The following DUOXA2 variants were observed in gnomAD, a reference collection of about 807,000 sequenced individuals.
The protein encoded by DUOXA2 is dual oxidase maturation factor 2.
DUOXA2 carries 22 observed loss-of-function variants against 27.6 expected under a neutral mutation model. That is an observed-to-expected ratio of 0.80 (90% CI 0.57 to 1.14). DUOXA2 has a LOEUF of 1.14. Ranked by LOEUF, DUOXA2 falls within the 50% of genes most tolerant of loss-of-function variation. The pLI, the probability that DUOXA2 is intolerant of heterozygous loss-of-function variation, is 0.00. For synonymous variants in DUOXA2, 188 were observed against 184.4 expected, an observed-to-expected ratio of 1.02 and a Z score of -0.16; for missense variants, 481 against 419.9, an observed-to-expected ratio of 1.15 and a Z score of -1.27.
At position 45,114,716 on chromosome 15, in the gene DUOXA2, C is replaced by T; in HGVS notation, c.111C>T (p.Ser37=). The T allele has an allele frequency of 6.2e-7, 1 of 1,614,238 alleles. No individual in the cohort carries two copies. The highest frequency in any genetic ancestry group is 8.5e-7 in the Non-Finnish European group (1 of 1,180,040). The part of the protein sequence containing the change: ...VILVFLALAA[S]FLLILPGIRG... ...TAGTGTTTTTGGCTCTAGCAGCAAGCTTCCTGCTCATCTTGCCGGGGATCC... is the reference window on the plus strand; with the variant it reads ...TAGTGTTTTTGGCTCTAGCAGCAAGTTTCCTGCTCATCTTGCCGGGGATCC... Residue 37 remains serine, a synonymous_variant, in exon 1 of 6, where the codon AGC becomes AGT. Transcript: ENST00000323030.
At chr15:45,115,367 A>G (rs1391913616) in intron 1 of DUOXA2, 1 of 460,450 alleles carries the variant, frequency 2.2e-6, no homozygotes, top group Non-Finnish European at 4.4e-6. Context: ...TGCACCTAGG[A>G]GTATCTGCAT....
intron 3 of DUOXA2, 127 bp downstream of exon 3, chr15:45,116,385 G>A: frequency 6.4e-7 from 1 of 1,562,822 alleles, no homozygotes; most frequent in Non-Finnish European, 8.7e-7. Context: ...TCGTGGATTT[G>A]CGTTTTCTCC....
chr15:45,114,624 G>C lies in DUOXA2; in HGVS notation c.19G>C (p.Val7Leu). The C allele has an allele frequency of 6.2e-7, 1 of 1,614,148 alleles. No individual in the cohort carries two copies. The highest frequency in any genetic ancestry group is 1.3e-5 in the African/African-American group (1 of 75,058). Residue 7 changes from valine to leucine, a missense_variant, in exon 1 of 6, where the codon GTA (valine) becomes CTA (leucine). Val to Leu is a conservative substitution (Grantham distance 32). Coordinates refer to ENST00000323030, the MANE Select transcript of DUOXA2 (RefSeq NM_207581.4). ...GTGCAGCATGACCCTGTGGAACGGC[G>C]TACTGCCTTTTTACCCCCAGCCCCG... The part of the protein sequence containing the change: MTLWNG[V>L]LPFYPQPRHA...
rs1259580781 is a variant in DUOXA2 at position 45,114,600 on chromosome 15, T to C, written c.-6T>C. 6.2e-7 allele frequency: 1 copy of C among 1,613,780 alleles called. No individual in the cohort carries two copies. Reference sequence around the variant, plus strand: ...GCCTGCGTGCAGCACTCGGCCGGCGTGCAGCATGACCCTGTGGAACGGCGT... The same window carrying C: ...GCCTGCGTGCAGCACTCGGCCGGCGCGCAGCATGACCCTGTGGAACGGCGT... On this transcript the variant is annotated 5_prime_UTR_variant, in exon 1 of 6. Coordinates refer to ENST00000323030, the MANE Select transcript of DUOXA2 (RefSeq NM_207581.4).
intron 3 of DUOXA2, 118 bp downstream of exon 3, chr15:45,116,376 C>CGTGGATTTG: frequency 6.4e-7 from 1 of 1,563,960 alleles, no homozygotes; most frequent in South Asian, 1.1e-5. Flanking sequence ...TTGTGGTCCT[C>CGTGGATTTG]GTGGATTTGC....
At chr15:45,116,811 A>T in intron 4 of DUOXA2, 82 bp downstream of exon 4, 1 of 1,523,456 alleles carries the variant, frequency 6.6e-7, no homozygotes, top group Admixed American at 1.9e-5. Flanking sequence ...CAGGCCTCGG[A>T]GGCGCTGAGC....
intron 4 of DUOXA2, 121 bp downstream of exon 4, chr15:45,116,850 G>A: frequency 7.8e-7 from 1 of 1,281,812 alleles, no homozygotes; most frequent in Non-Finnish European, 1.1e-6. Flanking sequence ...CGCGCTCGGG[G>A]TGGGCATGAC....
Position 45,115,820 on chromosome 15 carries a change from GTTC to G in DUOXA2, c.174_176del (p.Leu59del), listed in dbSNP as rs1894602667. 3 of 1,614,000 alleles carry G rather than the reference GTTC, an allele frequency of 1.9e-6. No individual in the cohort carries two copies. Among genetic ancestry groups the G allele is most frequent in the Admixed American group, 1.7e-5 (1 of 60,000 alleles). On this transcript the variant is annotated inframe_deletion, in exon 2 of 6. Coordinates refer to ENST00000323030, the MANE Select transcript of DUOXA2 (RefSeq NM_207581.4). ...GCAGCGCTGGTTTTGGTTGGTGAGA[GTTC>G]TTCTCAGTCTGTTCATAGGCGCAGA...
chr15:45,115,553 A>T, intron 1 of DUOXA2: 1 of 668,274 alleles, frequency 1.5e-6, no homozygotes, highest in Non-Finnish European at 2.8e-6. Flanking sequence ...GAAGAGTGCC[A>T]GGAAGTGGGG....
intron 5 of DUOXA2, 115 bp downstream of exon 5, chr15:45,117,420 C>A: frequency 6.6e-7 from 1 of 1,519,710 alleles, no homozygotes. Context: ...TTGCCCCTCT[C>A]AATAGTTCGC....
rs762454763 is a variant in DUOXA2, at chr15:45,114,615, T to C, written c.10T>C (p.Trp4Arg). 9.9e-6 allele frequency: 16 copies of C among 1,613,988 alleles called. No homozygotes were observed. Among genetic ancestry groups the C allele is most frequent in the Admixed American group, 3.3e-5 (2 of 60,006 alleles). The change falls in exon 1 of 6, where the codon TGG becomes CGG. Residue 4 changes from tryptophan (W) to arginine (R), a missense_variant. Coordinates refer to ENST00000323030, the MANE Select transcript of DUOXA2 (RefSeq NM_207581.4). ...TCGGCCGGCGTGCAGCATGACCCTG[T>C]GGAACGGCGTACTGCCTTTTTACCC... is the stretch of plus-strand genomic sequence containing the variant. MTL[W>R]NGVLPFYPQP...
intron 1 of DUOXA2, 137 bp downstream of exon 1, chr15:45,114,889 G>C (rs1894565656): frequency 7.5e-6 from 10 of 1,336,970 alleles, no homozygotes; most frequent in Non-Finnish European, 1.1e-5. Context: ...AGTGAAGTCA[G>C]GAGTCTGGTG....
chr15:45,116,071 T>G, intron 2 of DUOXA2, 53 bp from the exon 3 acceptor site: 1 of 1,613,040 alleles, frequency 6.2e-7, no homozygotes, highest in Non-Finnish European at 8.5e-7. Flanking sequence ...TACCACTCTC[T>G]AATTCCATTT....
Position 45,117,130 on chromosome 15 carries a change from C to T in DUOXA2, c.594C>T (p.Leu198=), listed in dbSNP as rs1349989393. 1 of 1,601,158 alleles carries T rather than the reference C, an allele frequency of 6.2e-7. No homozygotes were observed. Among genetic ancestry groups the T allele is most frequent in the African/African-American group, 1.3e-5 (1 of 75,062 alleles). Residue 198 remains leucine, a synonymous_variant, in exon 5 of 6, where the codon CTC becomes CTT. Coordinates refer to ENST00000323030, the MANE Select transcript of DUOXA2 (RefSeq NM_207581.4). ...TCTGGCTCCTCTCCAACGTGCTGCT[C>T]TCCACGCCGGCCCCGCTCTACGGAG... The part of the protein sequence containing the change: ...FCFWLLSNVL[L]STPAPLYGGL...
Position 45,115,868 on chromosome 15 carries a change from G to A in DUOXA2, c.205+12G>A, listed in dbSNP as rs1338010215. On this transcript the variant is annotated intron_variant, in intron 2 of 5. Transcript: ENST00000323030. ...CGCAGAAATTGTGGGTGAGTGTGTG[G>A]TGCAGCCCATGGGGAGAGGACGGGG... is the stretch of plus-strand genomic sequence containing the variant. 2 of 1,614,010 alleles carry A rather than the reference G, an allele frequency of 1.2e-6. No individual in the cohort carries two copies. The highest frequency in any genetic ancestry group is 2.2e-5 in the East Asian group (1 of 44,866).
chr15:45,116,468 C>A, intron 3 of DUOXA2, 48 bp from the exon 4 acceptor site: 2 of 1,604,632 alleles, frequency 1.2e-6, no homozygotes, highest in African/African-American at 1.3e-5. Context: ...CGCTTAGTTG[C>A]GAGGTCTCCG....
Position 45,116,593 on chromosome 15 carries a change from G to T in DUOXA2, c.418G>T (p.Ala140Ser). 6.2e-7 allele frequency: 1 copy of T among 1,614,038 alleles called. No individual in the cohort carries two copies. Among genetic ancestry groups the T allele is most frequent in the Non-Finnish European group, 8.5e-7 (1 of 1,180,054 alleles). ...CTGGCGTCTGAAAGAGAATTACGCC[G>T]CGGAGTACGCGAACGCACTGGAGAA... ...FTWRLKENYA[A>S]EYANALEKGL... The change falls in exon 4 of 6, where the codon GCG (alanine) becomes TCG (serine). Residue 140 changes from alanine (A) to serine (S), a missense_variant. Coordinates refer to ENST00000323030, the MANE Select transcript of DUOXA2 (RefSeq NM_207581.4).
chr15:45,116,753 G>A lies in DUOXA2; in HGVS notation c.554+24G>A, dbSNP rs755951574. 15 of 1,609,074 alleles carry A rather than the reference G, an allele frequency of 9.3e-6. No homozygotes were observed. In the South Asian group the frequency reaches 1.4e-4, roughly 15 times the overall value. ...TGGTAAGTGCTGGAGGGAAGGCTGT[G>A]TGCACGTGTGTGTGTGCCAGGAGCT... On this transcript the variant is annotated intron_variant, in intron 4 of 5. Transcript: ENST00000323030.
At chr15:45,115,624 G>T (rs1382172062) in intron 1 of DUOXA2, 175 bp from the exon 2 acceptor site, 1 of 804,698 alleles carries the variant, frequency 1.2e-6, no homozygotes, top group East Asian at 2.7e-5. Context: ...AAAGTGCGTG[G>T]TCACAAAATA....
Sources: gnomAD v4.1 joint callset for allele counts on GRCh38, gnomAD v4.1.1 for gene constraint, MANE v1.5 for transcripts, NCBI Gene and HGNC (gene_info 2026-07-23, HGNC 2026-07-21) for gene names.